The following KIF26B variants were observed in gnomAD, a reference collection of about 807,000 sequenced individuals.
KIF26B encodes the protein kinesin family member 26B, also known as kinesin-like protein KIF26B.
KIF26B carries 63 observed loss-of-function variants against 151.2 expected under a neutral mutation model. The observed-to-expected ratio is 0.42, with a 90% CI of 0.34 to 0.51. KIF26B has a LOEUF of 0.51. Ranked by LOEUF, KIF26B falls within the 20% of genes least tolerant of loss-of-function variation. The pLI is 0.07. For missense variants in KIF26B, 2,813 were observed against 2,913.6 expected, an observed-to-expected ratio of 0.97 and a Z score of 0.79; for synonymous variants, 1,357 against 1,262.1, an observed-to-expected ratio of 1.08 and a Z score of -1.59.
intron 4 of KIF26B, among the ~76,000 whole-genome samples, chr1:245,475,693 G>A (rs1189615615): frequency 6.6e-6 from 1 of 151,860 alleles, no homozygotes; most frequent in Non-Finnish European, 1.5e-5. Context: ...ACCACAATGA[G>A]ATGCCACTTC....
chr1:245,615,411 A>G (rs1225476718), intron 9 of KIF26B, among the ~76,000 whole-genome samples: 1 of 152,190 alleles, frequency 6.6e-6, no homozygotes, highest in East Asian at 1.9e-4. Flanking sequence ...ATCTGAAAGT[A>G]GGGAGAAATC....
chr1:245,685,440 CGAA>C lies in KIF26B; in HGVS notation c.2462_2464del (p.Glu821del). Reference sequence around the variant, plus strand: ...GCTCGTCCGGCGGGGAGAGCTCCTGCGAAGAAGGCCGCATGCGCAGGCCCACCC... The same window carrying C: ...GCTCGTCCGGCGGGGAGAGCTCCTGCGAAGGCCGCATGCGCAGGCCCACCC... On this transcript the variant is annotated inframe_deletion, in exon 12 of 15. Coordinates refer to ENST00000407071, the MANE Select transcript of KIF26B (RefSeq NM_018012.4). 6.2e-7 allele frequency: 1 copy of C among 1,613,132 alleles called. No homozygotes were observed.
At chr1:245,587,406 C>T (rs968087510) in intron 5 of KIF26B, among the ~76,000 whole-genome samples, 1 of 152,088 alleles carries the variant, frequency 6.6e-6, no homozygotes, top group Non-Finnish European at 1.5e-5. Context: ...AGTACCTGGA[C>T]CAGATTAAGG....
rs762663915 is a variant in KIF26B, at chr1:245,687,279, G to A, written c.4296G>A (p.Lys1432=). Residue 1432 remains lysine (K), a synonymous_variant, in exon 12 of 15, where the codon AAG becomes AAA. Coordinates refer to ENST00000407071, the MANE Select transcript of KIF26B (RefSeq NM_018012.4). This position sits in a 1 kb window ranked among gnomAD's most constrained non-coding sequence, Gnocchi z 4.9. The stretch of plus-strand genomic sequence containing the variant: ...GGGAGAGTAAGGAAAACAGTGCAAA[G>A]AAAGAGATGAAATTTGAGGACCCGT... The part of the protein sequence containing the change: ...QSRESKENSA[K]KEMKFEDPWL... 1.6e-5 allele frequency: 26 copies of A among 1,610,170 alleles called. No individual in the cohort carries two copies. The highest frequency in any genetic ancestry group is 8.5e-7 in the Non-Finnish European group (1 of 1,178,742).
chr1:245,698,020 C>G lies in KIF26B; in HGVS notation c.5825-86C>G. 7.9e-7 allele frequency: 1 copy of G among 1,268,938 alleles called. No individual in the cohort carries two copies. Among genetic ancestry groups the G allele is most frequent in the Non-Finnish European group, 1.1e-6 (1 of 919,068 alleles). 78.6% of individuals were successfully genotyped at this position (1,268,938 alleles called of 1,614,324 possible). A position where few individuals can be genotyped will look rare whatever the true frequency, so the allele number is the denominator to read the frequency against. On this transcript the variant is annotated intron_variant, in intron 12 of 14. Coordinates refer to ENST00000407071, the MANE Select transcript of KIF26B (RefSeq NM_018012.4). This position sits in a 1 kb window ranked among gnomAD's most constrained non-coding sequence, Gnocchi z 4.0. The stretch of plus-strand genomic sequence containing the variant: ...TCGCACCACTGCACTCCAGCCTGGG[C>G]AACAGAGCAAGACCCTGTCTCAAAA...
At chr1:245,326,815 T>C (rs1041705873) in intron 2 of KIF26B, among the ~76,000 whole-genome samples, 2 of 152,210 alleles carry the variant, frequency 1.3e-5, no homozygotes, top group African/African-American at 2.4e-5. Context: ...CTGTGAAATA[T>C]CATAGAACCG....
At chr1:245,275,074 T>A (rs1670915824) in intron 2 of KIF26B, among the ~76,000 whole-genome samples, 1 of 152,226 alleles carries the variant, frequency 6.6e-6, no homozygotes, top group African/African-American at 2.4e-5. Context: ...TCTAATGACC[T>A]GACCAGTGAT....
intron 2 of KIF26B, among the ~76,000 whole-genome samples, chr1:245,273,115 T>C (rs1670880306): frequency 6.6e-6 from 1 of 152,090 alleles, no homozygotes; most frequent in East Asian, 1.9e-4. Context: ...CTATACATTA[T>C]TGAAAGTGGG....
At chr1:245,528,755 C>G (rs1238124833) in intron 4 of KIF26B, among the ~76,000 whole-genome samples, 1 of 152,172 alleles carries the variant, frequency 6.6e-6, no homozygotes, top group South Asian at 2.1e-4. Context: ...GGAGCATGCT[C>G]TCTCTTAAAA....
intron 2 of KIF26B, among the ~76,000 whole-genome samples, chr1:245,247,001 C>T (rs1229365260): frequency 6.6e-6 from 1 of 151,416 alleles, no homozygotes; most frequent in African/African-American, 2.4e-5. Context: ...AAAAAAGCAA[C>T]ATGTCACCAC....
intron 4 of KIF26B, among the ~76,000 whole-genome samples, chr1:245,500,713 C>CT (rs1660603551): frequency 6.6e-6 from 1 of 152,240 alleles, no homozygotes; most frequent in African/African-American, 2.4e-5. Flanking sequence ...CCCCGGCCAA[C>CT]TAGAGAAGCC....
intron 2 of KIF26B, among the ~76,000 whole-genome samples, chr1:245,197,449 T>A (rs567828391): frequency 6.6e-6 from 1 of 152,238 alleles, no homozygotes; most frequent in Admixed American, 6.5e-5. Context: ...TGGAGACTGA[T>A]CTTTTATTTT....
intron 6 of KIF26B, among the ~76,000 whole-genome samples, chr1:245,605,375 G>A (rs1253199405): frequency 6.6e-6 from 1 of 152,326 alleles, no homozygotes; most frequent in Middle Eastern, 3.4e-3. Context: ...GTGGGCCTGT[G>A]CTCTCCAGTC....
intron 2 of KIF26B, among the ~76,000 whole-genome samples, chr1:245,303,419 C>G (rs956815393): frequency 6.6e-6 from 1 of 151,574 alleles, no homozygotes; most frequent in East Asian, 1.9e-4. Context: ...AGGATGGTCT[C>G]GATCTCCTGA....
chr1:245,190,629 G>GTTTTTTTTTTTTTTTTT (rs768099890), intron 2 of KIF26B, among the ~76,000 whole-genome samples: 7 of 80,064 alleles, frequency 8.7e-5, no homozygotes, highest in African/African-American at 3.0e-4. Flanking sequence ...TTCCCTGAAT[G>GTTTTTTTTTTTTTTTTT]TTTTGTTTTG....
rs1234346753 is a variant in KIF26B at position 245,601,498 on chromosome 1, CA to C, written c.1351-1076del. Reference sequence around the variant, plus strand: ...TCACCAAACCTGACAACTGATGAGACAAAGAGAACAAGACACAGAGAGGAAT... The same window carrying C: ...TCACCAAACCTGACAACTGATGAGACAAGAGAACAAGACACAGAGAGGAAT... On this transcript the variant is annotated intron_variant, in intron 5 of 14. Transcript: ENST00000407071. This position sits in a 1 kb window ranked among gnomAD's most constrained non-coding sequence, Gnocchi z 4.4. Among the ~76,000 whole-genome samples the C allele has an allele frequency of 3.4e-4, 52 of 152,312 alleles. No individual in the cohort carries two copies. The highest frequency in any genetic ancestry group is 1.2e-3 in the African/African-American group (51 of 41,570).
chr1:245,486,887 G>A (rs919376354), intron 4 of KIF26B, among the ~76,000 whole-genome samples: 8 of 152,170 alleles, frequency 5.3e-5, no homozygotes, highest in African/African-American at 1.9e-4. Context: ...CCCAGGCTGT[G>A]GTTCAGCTTT....
chr1:245,674,220 C>T (rs1427095200), intron 10 of KIF26B, among the ~76,000 whole-genome samples: 1 of 152,116 alleles, frequency 6.6e-6, no homozygotes, highest in Non-Finnish European at 1.5e-5. Context: ...TGCAAAGGCT[C>T]TGTGAAAAAT....
chr1:245,618,611 T>C (rs1289336927), intron 9 of KIF26B, among the ~76,000 whole-genome samples: 2 of 147,452 alleles, frequency 1.4e-5, no homozygotes, highest in Admixed American at 6.7e-5. Flanking sequence ...ATAGGTTCCT[T>C]GAGACAGAGT....
Sources: gnomAD v4.1 joint callset for allele counts (sites outside exome capture counted in the v4.1 genomes callset) on GRCh38, gnomAD v4.1.1 for gene constraint, Gnocchi (gnomAD v3.1) non-coding constraint, MANE v1.5 for transcripts, NCBI Gene and HGNC (gene_info 2026-07-23, HGNC 2026-07-21) for gene names.